Variants in KSR2 observed in about 807,000 individuals in gnomAD.
KSR2 encodes the protein kinase suppressor of ras 2.
A neutral mutation model predicts 107.8 loss-of-function variants in KSR2; 25 were observed. The ratio of observed to expected loss-of-function variants is 0.23; its 90% CI spans 0.17 to 0.32. The LOEUF is 0.32. Ranked by LOEUF, KSR2 falls within the 10% of genes least tolerant of loss-of-function variation. KSR2 has a pLI of 1.00. For missense variants in KSR2, 887 were observed against 1,268.9 expected, an observed-to-expected ratio of 0.70 and a Z score of 4.57; for synonymous variants, 480 against 507.0, an observed-to-expected ratio of 0.95 and a Z score of 0.71.
intron 4 of KSR2, among the ~76,000 whole-genome samples, chr12:117,732,713 T>C (rs1233816329): frequency 6.6e-6 from 1 of 152,188 alleles, no homozygotes; most frequent in Non-Finnish European, 1.5e-5. Context: ...ATATTTTTCT[T>C]CTTCCTCTAT....
intron 3 of KSR2, among the ~76,000 whole-genome samples, chr12:117,763,787 G>A (rs1270455973): frequency 1.3e-5 from 2 of 152,184 alleles, no homozygotes; most frequent in African/African-American, 4.8e-5. Context: ...GGGAAAACTA[G>A]AGCCCAATTA....
chr12:117,525,433 T>C (rs1875066426), intron 13 of KSR2, among the ~76,000 whole-genome samples: 1 of 152,158 alleles, frequency 6.6e-6, no homozygotes, highest in Admixed American at 6.5e-5. Context: ...ATCATGATCA[T>C]CCACCTCTCT....
chr12:117,908,672 A>G (rs1039943691), intron 1 of KSR2, among the ~76,000 whole-genome samples: 5 of 152,214 alleles, frequency 3.3e-5, no homozygotes, highest in Non-Finnish European at 5.9e-5. Flanking sequence ...AAACACGCCA[A>G]CATTCTAACA....
chr12:117,459,076 C>T lies in KSR2; in HGVS notation c.*8123G>A, dbSNP rs1293671724. ...TTCAGGCCTTGTGGTGAAGCCGTCC[C>T]AGAAGATAAATGATTTTTCTCCAAG... is the stretch of plus-strand genomic sequence containing the variant. On this transcript the variant is annotated 3_prime_UTR_variant, in exon 20 of 20. Coordinates refer to ENST00000339824, the MANE Select transcript of KSR2 (RefSeq NM_173598.6). The T allele has an allele frequency of 6.6e-6, 1 of 152,174 alleles. No individual in the cohort carries two copies. The highest frequency in any genetic ancestry group is 2.4e-5 in the African/African-American group (1 of 41,440). The allele number at this position is 152,174 out of a possible 1,614,324, so 9.4% of individuals were successfully genotyped here.
At chr12:117,705,356 G>C (rs570578106) in intron 4 of KSR2, among the ~76,000 whole-genome samples, 1 of 152,214 alleles carries the variant, frequency 6.6e-6, no homozygotes, top group South Asian at 2.1e-4. Context: ...TTCTGGTTAT[G>C]CAGCAGGCCC....
intron 5 of KSR2, among the ~76,000 whole-genome samples, chr12:117,615,214 T>TACAC (rs57116320): frequency 3.1e-3 from 452 of 147,908 alleles, no homozygotes; most frequent in Non-Finnish European, 4.9e-3. Flanking sequence ...TCTCTTCAGT[T>TACAC]ACACACACAC....
At chr12:117,587,526 T>C (rs1370729770) in intron 5 of KSR2, among the ~76,000 whole-genome samples, 1 of 152,158 alleles carries the variant, frequency 6.6e-6, no homozygotes, top group Non-Finnish European at 1.5e-5. Context: ...TTGGCATCCA[T>C]TTCGGACTTC....
At chr12:117,739,082 G>C (rs940986888) in intron 4 of KSR2, among the ~76,000 whole-genome samples, 2 of 152,084 alleles carry the variant, frequency 1.3e-5, no homozygotes, top group Non-Finnish European at 2.9e-5. Context: ...TTGGACGGGC[G>C]CAGCGGCTCA....
intron 12 of KSR2, among the ~76,000 whole-genome samples, chr12:117,529,784 C>T (rs1875482947): frequency 6.6e-6 from 1 of 151,962 alleles, no homozygotes; most frequent in South Asian, 2.1e-4. Context: ...GGAATGATCA[C>T]TTGCACCTAG....
intron 5 of KSR2, among the ~76,000 whole-genome samples, chr12:117,654,915 G>A (rs770652610): frequency 2.0e-5 from 3 of 152,264 alleles, no homozygotes; most frequent in Middle Eastern, 3.4e-3. Context: ...AAGTGGCCAC[G>A]GTGGCAGGGA....
intron 3 of KSR2, among the ~76,000 whole-genome samples, chr12:117,852,359 T>C (rs1892957592): frequency 1.3e-5 from 2 of 150,966 alleles, no homozygotes; most frequent in South Asian, 4.2e-4. Context: ...ACCCAGGAGG[T>C]GGAGGTTACA....
intron 5 of KSR2, among the ~76,000 whole-genome samples, chr12:117,618,338 G>C (rs543812823): frequency 2.0e-5 from 3 of 152,016 alleles, no homozygotes; most frequent in African/African-American, 7.2e-5. Flanking sequence ...CTGCTTGATG[G>C]AACTTGAGCA....
chr12:117,633,856 A>C (rs1274958091), intron 5 of KSR2, among the ~76,000 whole-genome samples: 1 of 152,118 alleles, frequency 6.6e-6, no homozygotes, highest in African/African-American at 2.4e-5. Context: ...TTGGGGGTGG[A>C]ATTTCACCTG....
At chr12:117,473,662 G>T (rs1871612541) in intron 17 of KSR2, among the ~76,000 whole-genome samples, 1 of 152,172 alleles carries the variant, frequency 6.6e-6, no homozygotes, top group Non-Finnish European at 1.5e-5. Context: ...CCTGTGCTGG[G>T]TACCTTACAA....
intron 3 of KSR2, among the ~76,000 whole-genome samples, chr12:117,846,774 G>A (rs1190374773): frequency 6.6e-6 from 1 of 152,228 alleles, no homozygotes; most frequent in Non-Finnish European, 1.5e-5. Context: ...ACGAAGAAGG[G>A]AATTTTAACT....
intron 3 of KSR2, among the ~76,000 whole-genome samples, chr12:117,781,948 G>A (rs942193275): frequency 2.0e-5 from 3 of 152,158 alleles, no homozygotes; most frequent in East Asian, 1.9e-4. Context: ...AAAAATCATC[G>A]GGTAAAGTGG....
chr12:117,950,906 C>CTTAT lies in KSR2; in HGVS notation c.180+17166_180+17169dup, dbSNP rs531470526. 4.7e-4 allele frequency among the ~76,000 whole-genome samples: 71 copies of CTTAT among 151,426 alleles called. 2 individuals carry two copies. In the South Asian group the frequency reaches 4.8e-3, roughly 10 times the overall value. On this transcript the variant is annotated intron_variant, in intron 1 of 19. Coordinates refer to ENST00000339824, the MANE Select transcript of KSR2 (RefSeq NM_173598.6). ...AAGGTCCTGCCAACCAGCGGTTCTTCTTATTTATTTATTTATTTATTTTTT... is the reference window on the plus strand; with the variant it reads ...AAGGTCCTGCCAACCAGCGGTTCTTCTTATTTATTTATTTATTTATTTATTTTTT...
intron 4 of KSR2, among the ~76,000 whole-genome samples, chr12:117,733,040 C>T (rs935375313): frequency 1.2e-4 from 19 of 152,182 alleles, no homozygotes; most frequent in African/African-American, 4.6e-4. Context: ...ACACTGCATA[C>T]CTGCAAGAAT....
intron 5 of KSR2, among the ~76,000 whole-genome samples, chr12:117,666,670 AC>A (rs1226793594): frequency 6.6e-6 from 1 of 152,232 alleles, no homozygotes; most frequent in African/African-American, 2.4e-5. Context: ...GAGCAGCAAC[AC>A]AACGTGCACA....
Sources: gnomAD v4.1 joint callset for allele counts (sites outside exome capture counted in the v4.1 genomes callset) on GRCh38, gnomAD v4.1.1 for gene constraint, MANE v1.5 for transcripts, NCBI Gene and HGNC (gene_info 2026-07-23, HGNC 2026-07-21) for gene names.